Variants in MRPL20 observed in about 807,000 individuals in gnomAD.
MRPL20 encodes the protein mitochondrial ribosomal protein L20, also known as large ribosomal subunit protein bL20m.
MRPL20 carries 21 observed loss-of-function variants against 20.0 expected under a neutral mutation model. The observed-to-expected ratio is 1.05, with a 90% confidence interval of 0.74 to 1.51. MRPL20 has a LOEUF of 1.51. Ranked by LOEUF, MRPL20 falls within the 40% of genes most tolerant of loss-of-function variation. The pLI, the probability that MRPL20 is intolerant of heterozygous loss-of-function variation, is 0.00. For missense variants in MRPL20, 252 were observed against 185.6 expected (o/e 1.36, Z -2.08); for synonymous variants, 104 against 73.0 (o/e 1.43, Z -2.17).
intron 3 of MRPL20, chr1:1,405,542 GTGACCTGCTCCGTTTCCAGCC>G: frequency 1.6e-6 from 1 of 632,894 alleles, no homozygotes; most frequent in East Asian, 2.7e-5. Flanking sequence ...CATGGGAATT[GTGACCTGCTCCGTTTCCAGCC>G]TGGGCTGGTT....
At chr1:1,406,272 A>G (rs1277187775) in intron 2 of MRPL20, 2 of 196,560 alleles carry the variant, frequency 1.0e-5, no homozygotes, top group South Asian at 7.7e-5. Context: ...AATCGCTTGA[A>G]CCCGGGAGAC....
At chr1:1,406,699 CA>C in intron 2 of MRPL20, 1 of 564,480 alleles carries the variant, frequency 1.8e-6, no homozygotes, top group Non-Finnish European at 3.1e-6. Context: ...GGGGCTGGAG[CA>C]GGGGGTGACA....
intron 3 of MRPL20, among the ~76,000 whole-genome samples, chr1:1,404,185 G>T (rs1204981461): frequency 1.4e-5 from 2 of 148,010 alleles, no homozygotes; most frequent in African/African-American, 2.5e-5. Flanking sequence ...ATGGAGTCTC[G>T]CTCTGTCGAC....
At position 1,405,796 on chromosome 1, in the gene MRPL20, T is replaced by TA. The variant is rs755523350; in HGVS notation, c.276+12dup. 1 of 1,614,150 alleles carries TA rather than the reference T, an allele frequency of 6.2e-7. No homozygotes were observed. Among genetic ancestry groups the TA allele is most frequent in the Admixed American group, 1.7e-5 (1 of 60,026 alleles). ...GTCCAGAATTTCAGTGGGACCCACA[T>TA]ACTCACCCATACCTTAACTAAATTC... On this transcript the variant is annotated intron_variant, in intron 3 of 3. Transcript: ENST00000344843.
Position 1,406,973 on chromosome 1 carries a change from G to T in MRPL20, c.134C>A (p.Thr45Asn). ...KNRCYRLAVR[T>N]VIRAFVKCTK... ...GCATTTCACAAAGGCTCGAATCACG[G>T]TTCTGACCGCCAACCTGTAGCAGCG... Residue 45 changes from threonine to asparagine, a missense_variant, in exon 2 of 4, where the codon ACC (threonine) becomes AAC (asparagine). Physicochemically the swap from Thr to Asn is moderately conservative, Grantham distance 65. Coordinates refer to ENST00000344843, the MANE Select transcript of MRPL20 (RefSeq NM_017971.4). 6.2e-7 allele frequency: 1 copy of T among 1,613,898 alleles called. No homozygotes were observed. The highest frequency in any genetic ancestry group is 8.5e-7 in the Non-Finnish European group (1 of 1,179,796).
rs1385368319 is a variant in MRPL20 at position 1,402,027 on chromosome 1, A to C, written c.*56T>G. ...GGGTTGTAGATAAACAAAAGTATAA[A>C]TCAAACAAACTGCAAATTACTCTGT... On this transcript the variant is annotated 3_prime_UTR_variant, in exon 4 of 4. Coordinates refer to ENST00000344843, the MANE Select transcript of MRPL20 (RefSeq NM_017971.4). 6.4e-7 allele frequency: 1 copy of C among 1,559,370 alleles called. No individual in the cohort carries two copies.
intron 3 of MRPL20, 196 bp downstream of exon 3, chr1:1,405,613 G>A: frequency 1.0e-6 from 1 of 975,790 alleles, no homozygotes; most frequent in South Asian, 1.3e-5. Context: ...TTGCTCCCAA[G>A]AGGTCACCAT....
At position 1,406,256 on chromosome 1, in the gene MRPL20, C is replaced by A. The variant is rs534320925; in HGVS notation, c.199-370G>T. 11 of 201,540 alleles carry A rather than the reference C, an allele frequency of 5.5e-5. No homozygotes were observed. The East Asian group carries it at 1.4e-3, about 25-fold the overall frequency. 12.5% of individuals were successfully genotyped at this position (201,540 alleles called of 1,614,324 possible). The stretch of plus-strand genomic sequence containing the variant: ...GTCACAGTTACTCGGGAGACTGGGG[C>A]GGGAAAATCGCTTGAACCCGGGAGA... On this transcript the variant is annotated intron_variant, in intron 2 of 3. Coordinates refer to ENST00000344843, the MANE Select transcript of MRPL20 (RefSeq NM_017971.4).
intron 3 of MRPL20, among the ~76,000 whole-genome samples, chr1:1,404,382 C>A (rs1486578374): frequency 6.6e-6 from 1 of 151,796 alleles, no homozygotes. Flanking sequence ...TCTCGATCTC[C>A]TGACCTTGTG....
At chr1:1,406,759 C>A (rs113039830) in intron 2 of MRPL20, 150 bp downstream of exon 2, 3 of 707,508 alleles carry the variant, frequency 4.2e-6, no homozygotes, top group South Asian at 1.6e-5. Flanking sequence ...AGTTTGCCTG[C>A]GGGGCGACAT....
At chr1:1,406,150 G>A (rs143767987) in intron 2 of MRPL20, 2 of 408,772 alleles carry the variant, frequency 4.9e-6, no homozygotes, top group East Asian at 4.8e-5. Context: ...CAGATCTGGA[G>A]TTCGAGACCA....
rs932676822 is a variant in MRPL20 at position 1,407,250 on chromosome 1, C to A, written c.-33G>T. On this transcript the variant is annotated 5_prime_UTR_variant, in exon 1 of 4. Transcript: ENST00000344843. Reference sequence around the variant, plus strand: ...GCAGGCCGGCGTCCCGAACACTCAACAACGCACGCGCAGCGCCGCTGCCAT... The same window carrying A: ...GCAGGCCGGCGTCCCGAACACTCAAAAACGCACGCGCAGCGCCGCTGCCAT... 9.1e-6 allele frequency: 14 copies of A among 1,543,526 alleles called. No individual in the cohort carries two copies. Among genetic ancestry groups the A allele is most frequent in the Non-Finnish European group, 1.1e-5 (13 of 1,135,398 alleles).
In MRPL20 at chr1:1,402,713, G is replaced by C. The variant is rs139204507; in HGVS notation, c.277-457C>G. ...AAATTCAGCTACCAAGGCAGGGCAC[G>C]GTGTCTCGCCTGTAATCCCAGCACT... On this transcript the variant is annotated intron_variant, in intron 3 of 3. Transcript: ENST00000344843. The C allele has an allele frequency of 3.6e-3, 2,977 of 822,544 alleles. 7 individuals are homozygous for C. Among genetic ancestry groups the C allele is most frequent in the Non-Finnish European group, 4.1e-3 (2,768 of 681,114 alleles). The allele number at this position is 822,544 out of a possible 1,614,324, so 51.0% of individuals were successfully genotyped here. A position where few individuals can be genotyped will look rare whatever the true frequency, so the allele number is the denominator to read the frequency against.
At chr1:1,403,794 G>T (rs1465184650) in intron 3 of MRPL20, among the ~76,000 whole-genome samples, 1 of 152,110 alleles carries the variant, frequency 6.6e-6, no homozygotes, top group Non-Finnish European at 1.5e-5. Context: ...CTTCCTTTCT[G>T]TAAGTTCCTA....
intron 2 of MRPL20, chr1:1,406,145 C>G (rs532003029): frequency 2.8e-5 from 12 of 421,420 alleles, no homozygotes; most frequent in Middle Eastern, 1.4e-3. Flanking sequence ...CATTTCAGAT[C>G]TGGAGTTCGA....
At chr1:1,404,161 T>G (rs1014053608) in intron 3 of MRPL20, among the ~76,000 whole-genome samples, 2 of 151,990 alleles carry the variant, frequency 1.3e-5, no homozygotes, top group Non-Finnish European at 2.9e-5. Context: ...TTTTAACTTT[T>G]TTTTTTTTTT....
chr1:1,402,701 A>C, intron 3 of MRPL20: 1 of 874,068 alleles, frequency 1.1e-6, no homozygotes, highest in Non-Finnish European at 1.4e-6. Flanking sequence ...TTCAGCTACC[A>C]AGGCAGGGCA....
At chr1:1,403,399 G>A (rs772300513) in intron 3 of MRPL20, among the ~76,000 whole-genome samples, 6 of 151,576 alleles carry the variant, frequency 4.0e-5, no homozygotes, top group South Asian at 2.1e-4. Context: ...GCCCGCCACC[G>A]CACCTGGCTA....
intron 3 of MRPL20, chr1:1,405,342 T>C (rs1159054586): frequency 2.3e-6 from 1 of 438,442 alleles, no homozygotes; most frequent in African/African-American, 2.0e-5. Flanking sequence ...GGTACCATCA[T>C]AGCTCACTGC....
Sources: gnomAD v4.1 joint callset for allele counts (sites outside exome capture counted in the v4.1 genomes callset) on GRCh38, gnomAD v4.1.1 for gene constraint, MANE v1.5 for transcripts, NCBI Gene and HGNC (gene_info 2026-07-23, HGNC 2026-07-21) for gene names.